WASF3: variants seen among roughly 807,000 people sequenced by gnomAD.
WASF3 encodes WASP family member 3.
A neutral mutation model predicts 46.6 loss-of-function variants in WASF3; 11 were observed. That is an observed-to-expected ratio of 0.24 (90% CI 0.15 to 0.39). The LOEUF (loss-of-function observed/expected upper bound fraction) is 0.39. Ranked by LOEUF, WASF3 falls within the 10% of genes least tolerant of loss-of-function variation. The pLI is 1.00. For missense variants in WASF3, 576 were observed against 669.8 expected, an observed-to-expected ratio of 0.86 and a Z score of 1.55; for synonymous variants, 242 against 259.7, an observed-to-expected ratio of 0.93 and a Z score of 0.65.
chr13:26,557,761 G>A lies in WASF3; in HGVS notation c.-167G>A, dbSNP rs570879149. ...GGCGGGTGCGCCGGGCGGCCGCGGC[G>A]CGGCGGGACCATGGAGCTCAGAGCG... On this transcript the variant is annotated 5_prime_UTR_variant, in exon 1 of 10. Coordinates refer to ENST00000335327, the MANE Select transcript of WASF3 (RefSeq NM_006646.6). 3.9e-4 allele frequency: 96 copies of A among 244,668 alleles called. No individual in the cohort carries two copies. The highest frequency in any genetic ancestry group is 2.2e-3 in the African/African-American group (93 of 43,156). The allele number at this position is 244,668 out of a possible 1,614,324, so 15.2% of individuals were successfully genotyped here. A position where few individuals can be genotyped will look rare whatever the true frequency, so the allele number is the denominator to read the frequency against.
chr13:26,668,214 A>G (rs1485163814), intron 5 of WASF3, among the ~76,000 whole-genome samples: 2 of 152,230 alleles, frequency 1.3e-5, no homozygotes, highest in African/African-American at 4.8e-5. Flanking sequence ...AAAACAATGG[A>G]AAATAAATAG....
chr13:26,542,220 G>A, the WASF3 span, among the ~76,000 whole-genome samples: 30 of 152,354 alleles, frequency 2.0e-4, no homozygotes, highest in Non-Finnish European at 3.8e-4. Context: ...TAAAGGCTCA[G>A]CATGGCAAAG....
upstream of WASF3, among the ~76,000 whole-genome samples, chr13:26,554,043 CCTTCCTTCCT>C (rs1566032355): frequency 5.0e-3 from 305 of 60,420 alleles, 42 homozygotes; most frequent in East Asian, 0.013. Flanking sequence ...CTCTTTCTTT[CCTTCCTTCCT>C]TCCTTCCTTC....
chr13:26,605,720 A>G (rs1880774796), intron 1 of WASF3, among the ~76,000 whole-genome samples: 1 of 152,212 alleles, frequency 6.6e-6, no homozygotes, highest in African/African-American at 2.4e-5. Flanking sequence ...TGTTACCCGA[A>G]GGCAGAAACA....
At chr13:26,557,623 A>C (rs1369401661), upstream of WASF3, 1 of 157,234 alleles carries the variant, frequency 6.4e-6, no homozygotes, top group Admixed American at 6.4e-5. Context: ...TGGAGCCGGC[A>C]CTGAGCCCCC....
chr13:26,563,028 C>T (rs1879348982), intron 1 of WASF3, among the ~76,000 whole-genome samples: 1 of 150,962 alleles, frequency 6.6e-6, no homozygotes. Flanking sequence ...CTGGTTGTTC[C>T]TTTGCAGGGC....
chr13:26,649,142 T>C (rs960074895), intron 3 of WASF3, among the ~76,000 whole-genome samples: 8 of 152,226 alleles, frequency 5.3e-5, no homozygotes, highest in African/African-American at 1.9e-4. Flanking sequence ...ATCAGGTACA[T>C]GATTGTGATT....
At chr13:26,563,929 C>G (rs1879379606) in intron 1 of WASF3, among the ~76,000 whole-genome samples, 1 of 152,074 alleles carries the variant, frequency 6.6e-6, no homozygotes, top group African/African-American at 2.4e-5. Flanking sequence ...TTTGTACTTT[C>G]TGAAATTTCC....
At chr13:26,629,837 G>A (rs936196473) in intron 2 of WASF3, among the ~76,000 whole-genome samples, 1 of 152,082 alleles carries the variant, frequency 6.6e-6, no homozygotes, top group African/African-American at 2.4e-5. Context: ...TGCATGCCTG[G>A]ACCCCTGGTT....
intron 1 of WASF3, among the ~76,000 whole-genome samples, chr13:26,559,437 A>T (rs1302780041): frequency 6.6e-6 from 1 of 152,244 alleles, no homozygotes; most frequent in African/African-American, 2.4e-5. Context: ...CCTAATAGTC[A>T]ATGATGTGCT....
At chr13:26,544,495 T>C in the WASF3 span, among the ~76,000 whole-genome samples, 2 of 152,192 alleles carry the variant, frequency 1.3e-5, no homozygotes, top group Non-Finnish European at 2.9e-5. Context: ...GCCGCCAGGA[T>C]GCCCGCTAGT....
the WASF3 span, among the ~76,000 whole-genome samples, chr13:26,539,857 TC>T: frequency 6.6e-6 from 1 of 152,196 alleles, no homozygotes; most frequent in Non-Finnish European, 1.5e-5. Context: ...TTGCTGGTTT[TC>T]CTGGGATATC....
the WASF3 span, among the ~76,000 whole-genome samples, chr13:26,547,969 T>C: frequency 9.8e-5 from 15 of 152,310 alleles, no homozygotes; most frequent in East Asian, 2.9e-3. Context: ...ATGAATGACA[T>C]TGCCTAAAAT....
chr13:26,605,684 G>A (rs1275495686), intron 1 of WASF3, among the ~76,000 whole-genome samples: 1 of 152,160 alleles, frequency 6.6e-6, no homozygotes, highest in African/African-American at 2.4e-5. Context: ...CCTGTCTACT[G>A]TGAACATTAA....
chr13:26,566,918 C>G (rs907912883), intron 1 of WASF3, among the ~76,000 whole-genome samples: 1 of 152,236 alleles, frequency 6.6e-6, no homozygotes, highest in African/African-American at 2.4e-5. Flanking sequence ...ATCCTCAGCT[C>G]TATGCTGTCA....
chr13:26,676,507 C>T (rs372171649), intron 6 of WASF3, 42 bp from the exon 7 acceptor site: 3 of 1,595,146 alleles, frequency 1.9e-6, no homozygotes, highest in Non-Finnish European at 2.6e-6. Context: ...TTTTCCTTTC[C>T]CTTCTGTCTT....
rs1879828421 is a variant in WASF3 at position 26,577,278 on chromosome 13, T to C, written c.-109+19459T>C. 3 of 743,124 alleles carry C rather than the reference T, an allele frequency of 4.0e-6. No individual in the cohort carries two copies. The South Asian group carries it at 4.2e-5, about 10-fold the overall frequency. 46.0% of individuals were successfully genotyped at this position (743,124 alleles called of 1,614,324 possible). ...TGTTGATGTCAGGACTACCGATGGTTACTTGCTTTGTCTGTTCTGTGTTGG... is the reference window on the plus strand; with the variant it reads ...TGTTGATGTCAGGACTACCGATGGTCACTTGCTTTGTCTGTTCTGTGTTGG... On this transcript the variant is annotated intron_variant, in intron 1 of 9. Transcript: ENST00000335327.
chr13:26,577,287 T>G lies in WASF3; in HGVS notation c.-109+19468T>G, dbSNP rs115159891. On this transcript the variant is annotated intron_variant, in intron 1 of 9. Transcript: ENST00000335327. ...CAGGACTACCGATGGTTACTTGCTT[T>G]GTCTGTTCTGTGTTGGTTTTCCTAA... 1,321 of 744,424 alleles carry G rather than the reference T, an allele frequency of 1.8e-3. 13 individuals carry two copies. In the African/African-American group the frequency reaches 0.02, roughly 11 times the overall value. The allele number at this position is 744,424 out of a possible 1,614,324, so 46.1% of individuals were successfully genotyped here.
At chr13:26,551,256 C>G in the WASF3 span, among the ~76,000 whole-genome samples, 1 of 152,186 alleles carries the variant, frequency 6.6e-6, no homozygotes. Context: ...TTAAACCTCT[C>G]TTCTTCATGA....
Sources: allele counts gnomAD v4.1 joint callset (sites outside exome capture counted in the v4.1 genomes callset), GRCh38; gene constraint gnomAD v4.1.1; transcripts MANE v1.5; gene names NCBI Gene and HGNC (gene_info 2026-07-23, HGNC 2026-07-21).